Variants in PTPN9 observed in about 807,000 individuals in gnomAD.
PTPN9 encodes protein tyrosine phosphatase non-receptor type 9.
In PTPN9, 26 loss-of-function variants were observed where a neutral mutation model predicts 69.8. That is an observed-to-expected ratio of 0.37 (90% CI 0.27 to 0.52). The LOEUF (loss-of-function observed/expected upper bound fraction) is 0.52. Among genes scored for constraint, PTPN9 ranks in the 20% least tolerant of loss-of-function variants. The pLI, the probability that PTPN9 is intolerant of heterozygous loss-of-function variation, is 0.91. For synonymous variants in PTPN9, 274 were observed against 272.5 expected (o/e 1.01, Z -0.05); for missense variants, 549 against 740.3 (o/e 0.74, Z 3.00).
intron 7 of PTPN9, among the ~76,000 whole-genome samples, chr15:75,495,525 C>G (rs1395916799): frequency 6.6e-6 from 1 of 152,030 alleles, no homozygotes; most frequent in Non-Finnish European, 1.5e-5. Flanking sequence ...CCAGCCTAGC[C>G]AACATAGTGA....
chr15:75,503,306 G>A (rs1328631141), intron 7 of PTPN9, among the ~76,000 whole-genome samples: 1 of 144,552 alleles, frequency 6.9e-6, no homozygotes, highest in Non-Finnish European at 1.5e-5. Context: ...TGGGATGTGA[G>A]GAGCTCCTCT....
At chr15:75,524,450 A>G (rs2074918686) in intron 2 of PTPN9, 152 bp from the exon 3 acceptor site, 1 of 534,522 alleles carries the variant, frequency 1.9e-6, no homozygotes, top group East Asian at 3.1e-5. Context: ...AACTAATTTC[A>G]TAACCAATTC....
chr15:75,527,778 C>T (rs1375296541), intron 1 of PTPN9, among the ~76,000 whole-genome samples: 1 of 151,782 alleles, frequency 6.6e-6, no homozygotes, highest in African/African-American at 2.4e-5. Context: ...ACTGCTTAAA[C>T]CCAAGAGGCA....
chr15:75,565,133 A>G (rs2075121325), intron 1 of PTPN9, among the ~76,000 whole-genome samples: 1 of 147,324 alleles, frequency 6.8e-6, no homozygotes, highest in Non-Finnish European at 1.5e-5. Context: ...TAATAATAAT[A>G]ATAATAATAA....
chr15:75,546,826 A>C, intron 1 of PTPN9, among the ~76,000 whole-genome samples: 1 of 152,070 alleles, frequency 6.6e-6, no homozygotes, highest in East Asian at 1.9e-4. Context: ...TAGATGAAAA[A>C]TTGAAAGGGT....
chr15:75,536,030 T>G (rs555969577), intron 1 of PTPN9, among the ~76,000 whole-genome samples: 5 of 152,248 alleles, frequency 3.3e-5, no homozygotes, highest in Non-Finnish European at 7.3e-5. Flanking sequence ...GATAATGCTT[T>G]CTTAAATAGG....
At chr15:75,553,815 C>A (rs945598946) in intron 1 of PTPN9, among the ~76,000 whole-genome samples, 1 of 151,994 alleles carries the variant, frequency 6.6e-6, no homozygotes, top group Admixed American at 6.6e-5. Context: ...GAGACCCAAC[C>A]CTGTACCCTG....
At chr15:75,571,862 G>A (rs1185500517) in intron 1 of PTPN9, among the ~76,000 whole-genome samples, 3 of 152,050 alleles carry the variant, frequency 2.0e-5, no homozygotes, top group Admixed American at 6.6e-5. Context: ...TGGTGACAGA[G>A]CAAGACTCCG....
chr15:75,490,072 A>AT, intron 8 of PTPN9, 136 bp downstream of exon 8: 1 of 705,790 alleles, frequency 1.4e-6, no homozygotes, highest in South Asian at 1.8e-5. Flanking sequence ...ACTAGTATGT[A>AT]GCAAAATATA....
intron 1 of PTPN9, among the ~76,000 whole-genome samples, chr15:75,557,498 GCT>G (rs1223982770): frequency 1.3e-5 from 2 of 152,046 alleles, no homozygotes; most frequent in South Asian, 2.1e-4. Flanking sequence ...TCTCTTTGAG[GCT>G]CTGTTTCAAT....
chr15:75,519,764 G>A (rs898789492), intron 4 of PTPN9, among the ~76,000 whole-genome samples: 50 of 151,818 alleles, frequency 3.3e-4, no homozygotes, highest in African/African-American at 1.2e-3. Context: ...GAGTCACTGC[G>A]CCCTGCCCTT....
rs1171561840 is a variant in PTPN9 at position 75,505,962 on chromosome 15, G to C, written c.681C>G (p.Pro227=). The stretch of plus-strand genomic sequence containing the variant: ...CCAGGTTTTCTGGAAGACACTCCCT[G>C]GGCAGATGCTGCGTGACCTCAGATG... ...LKTSEVTQHL[P]RECLPENLGG... The change falls in exon 7 of 13, where the codon CCC becomes CCG. Residue 227 remains proline (P), a synonymous_variant. Transcript: ENST00000618819. 1.2e-6 allele frequency: 2 copies of C among 1,613,964 alleles called. No homozygotes were observed. The highest frequency in any genetic ancestry group is 1.1e-5 in the South Asian group (1 of 91,076).
chr15:75,572,246 C>A (rs372653379), intron 1 of PTPN9, among the ~76,000 whole-genome samples: 16 of 152,186 alleles, frequency 1.1e-4, no homozygotes, highest in African/African-American at 3.9e-4. Context: ...GCATGAGAAT[C>A]GCTTGAACCC....
chr15:75,551,278 A>G (rs2075055629), intron 1 of PTPN9, among the ~76,000 whole-genome samples: 1 of 152,084 alleles, frequency 6.6e-6, no homozygotes, highest in Non-Finnish European at 1.5e-5. Context: ...GAAGGCCCAG[A>G]GAAGTTAGGA....
intron 1 of PTPN9, among the ~76,000 whole-genome samples, chr15:75,527,646 A>G (rs1033093118): frequency 6.6e-6 from 1 of 152,166 alleles, no homozygotes; most frequent in Non-Finnish European, 1.5e-5. Flanking sequence ...TGAGGTCAGG[A>G]GTTCAAGACT....
Position 75,505,837 on chromosome 15 carries a change from AG to A in PTPN9, c.805del (p.Leu269SerfsTer5). On this transcript the variant is annotated frameshift_variant, in exon 7 of 13. Transcript: ENST00000618819. LOFTEE classifies it high-confidence loss of function. ...DPFDEIILFS[L>X]PPALDWDSVH... The stretch of plus-strand genomic sequence containing the variant: ...TGAGTCCCAGTCTAAGGCAGGAGGG[AG>A]GGAGAACAGGATGATCTCATCGAAG... 6.2e-7 allele frequency: 1 copy of A among 1,614,126 alleles called. No individual in the cohort carries two copies. Among genetic ancestry groups the A allele is most frequent in the Non-Finnish European group, 8.5e-7 (1 of 1,180,020 alleles).
chr15:75,507,636 A>G (rs2141312154), intron 6 of PTPN9, among the ~76,000 whole-genome samples: 1 of 151,786 alleles, frequency 6.6e-6, no homozygotes, highest in South Asian at 2.1e-4. Flanking sequence ...GCGTGACAGC[A>G]CACGCCTGTA....
intron 4 of PTPN9, among the ~76,000 whole-genome samples, chr15:75,521,489 C>A (rs543683075): frequency 6.3e-4 from 95 of 151,496 alleles, no homozygotes; most frequent in African/African-American, 2.1e-3. Context: ...TTTTTTAATT[C>A]TTGAGCTACA....
At chr15:75,567,812 C>T (rs758037211) in intron 1 of PTPN9, among the ~76,000 whole-genome samples, 10 of 151,788 alleles carry the variant, frequency 6.6e-5, no homozygotes, top group African/African-American at 1.2e-4. Flanking sequence ...CTGACTAACA[C>T]GGTGAAACCC....
Sources: gnomAD v4.1 joint callset for allele counts (sites outside exome capture counted in the v4.1 genomes callset) on GRCh38, gnomAD v4.1.1 for gene constraint, MANE v1.5 for transcripts, NCBI Gene and HGNC (gene_info 2026-07-23, HGNC 2026-07-21) for gene names.